The following KCNMA1 variants were observed in gnomAD, a reference collection of about 807,000 sequenced individuals.
The protein encoded by KCNMA1 is potassium calcium-activated channel subfamily M alpha 1.
In KCNMA1, 29 loss-of-function variants were observed where a neutral mutation model predicts 140.0. That is an observed-to-expected ratio of 0.21 (90% confidence interval 0.15 to 0.28). The LOEUF is 0.28. Ranked by LOEUF, KCNMA1 falls within the 10% of genes least tolerant of loss-of-function variation. The probability of loss-of-function intolerance (pLI) is 1.00; values close to 1 mark genes in which losing one functional copy is unlikely to be tolerated. For synonymous variants in KCNMA1, 612 were observed against 611.9 expected (o/e 1.00, Z 0.00); for missense variants, 880 against 1,602.2 (o/e 0.55, Z 7.70).
chr10:77,636,412 TCGAGC>T (rs2093734168), intron 1 of KCNMA1: 1 of 1,536,014 alleles, frequency 6.5e-7, no homozygotes, highest in Admixed American at 2.0e-5. Context: ...TCTAGCCACC[TCGAGC>T]GCCAGGGAAG....
intron 20 of KCNMA1, among the ~76,000 whole-genome samples, chr10:76,957,924 T>C (rs1452138892): frequency 6.6e-6 from 1 of 152,242 alleles, no homozygotes; most frequent in Non-Finnish European, 1.5e-5. Context: ...TATAAATTTC[T>C]TTACTATGGC....
At chr10:76,973,184 G>A (rs1048124062) in intron 19 of KCNMA1, 7 of 152,024 alleles carry the variant, frequency 4.6e-5, no homozygotes, top group African/African-American at 9.7e-5. Flanking sequence ...TTCATGCTGC[G>A]GAAGCCACAT....
intron 1 of KCNMA1, among the ~76,000 whole-genome samples, chr10:77,432,959 G>T (rs1441880445): frequency 6.6e-6 from 1 of 152,044 alleles, no homozygotes; most frequent in African/African-American, 2.4e-5. Context: ...AGATTAGGGA[G>T]CCTTGAACCT....
chr10:76,949,416 T>G, intron 21 of KCNMA1, 50 bp from the exon 22 acceptor site: 2 of 1,401,134 alleles, frequency 1.4e-6, no homozygotes, highest in Non-Finnish European at 2.0e-6. Context: ...TGCATAGGGC[T>G]GTTGTAAGGA....
At chr10:77,539,105 A>T (rs1241050094) in intron 1 of KCNMA1, among the ~76,000 whole-genome samples, 1 of 151,920 alleles carries the variant, frequency 6.6e-6, no homozygotes, top group Non-Finnish European at 1.5e-5. Flanking sequence ...GACTTACACC[A>T]TTCATAAACC....
At chr10:77,495,109 G>A (rs985762154) in intron 1 of KCNMA1, among the ~76,000 whole-genome samples, 1 of 152,126 alleles carries the variant, frequency 6.6e-6, no homozygotes, top group African/African-American at 2.4e-5. Flanking sequence ...ATTATCTGTT[G>A]GGGAGACACA....
intron 1 of KCNMA1, among the ~76,000 whole-genome samples, chr10:77,503,084 T>C (rs2044508646): frequency 6.6e-6 from 1 of 152,134 alleles, no homozygotes; most frequent in South Asian, 2.1e-4. Flanking sequence ...AGATCCTCTC[T>C]TCTAAAAGAA....
At chr10:76,995,606 G>A (rs1233657048) in intron 19 of KCNMA1, 1 of 470,954 alleles carries the variant, frequency 2.1e-6, no homozygotes, top group Admixed American at 2.3e-5. Flanking sequence ...GATGGAAGAT[G>A]AGGAGCTAAC....
chr10:77,306,484 G>C (rs966814187), intron 2 of KCNMA1, among the ~76,000 whole-genome samples: 1 of 152,202 alleles, frequency 6.6e-6, no homozygotes, highest in Admixed American at 6.5e-5. Context: ...GTTTGCTGCT[G>C]TTGCAGTTGA....
chr10:77,575,933 G>A (rs1221011999), intron 1 of KCNMA1, among the ~76,000 whole-genome samples: 3 of 152,220 alleles, frequency 2.0e-5, no homozygotes. Flanking sequence ...GCTCCCAGGT[G>A]AGGCTGATGC....
rs1448151158 is a variant in KCNMA1, at chr10:76,885,326, A to G, written c.*1940T>C. 2 of 974,652 alleles carry G rather than the reference A, an allele frequency of 2.1e-6. No homozygotes were observed. The highest frequency in any genetic ancestry group is 2.4e-6 in the Non-Finnish European group (2 of 820,928). 60.4% of individuals were successfully genotyped at this position (974,652 alleles called of 1,614,324 possible). On this transcript the variant is annotated 3_prime_UTR_variant, in exon 28 of 28. Coordinates refer to ENST00000286628, the MANE Select transcript of KCNMA1 (RefSeq NM_001161352.2). ...ATATAGAGGGACAAAAATAATTTGA[A>G]AAAATTCTTCCACTCATAGGGCTTG... is the stretch of plus-strand genomic sequence containing the variant.
chr10:77,203,508 G>A (rs1178135217), intron 3 of KCNMA1, among the ~76,000 whole-genome samples: 3 of 151,962 alleles, frequency 2.0e-5, no homozygotes, highest in African/African-American at 2.4e-5. Flanking sequence ...CTGTTGTGGC[G>A]CTCATCACTC....
At chr10:77,548,959 T>C (rs2062076628) in intron 1 of KCNMA1, among the ~76,000 whole-genome samples, 1 of 152,196 alleles carries the variant, frequency 6.6e-6, no homozygotes, top group Non-Finnish European at 1.5e-5. Context: ...CATAGATGAA[T>C]ACTTTGAAAA....
intron 22 of KCNMA1, among the ~76,000 whole-genome samples, chr10:76,945,748 G>A (rs1188834543): frequency 1.3e-5 from 2 of 151,826 alleles, no homozygotes; most frequent in Non-Finnish European, 2.9e-5. Context: ...CTAAGATAGA[G>A]GGGGAAGTGA....
intron 1 of KCNMA1, among the ~76,000 whole-genome samples, chr10:77,574,939 C>T (rs2073468709): frequency 6.6e-6 from 1 of 152,182 alleles, no homozygotes; most frequent in South Asian, 2.1e-4. Flanking sequence ...CAGGAGGCCC[C>T]AGGGCCTGAC....
At chr10:76,914,556 G>A (rs1006712904) in intron 24 of KCNMA1, 1 of 335,476 alleles carries the variant, frequency 3.0e-6, no homozygotes, top group African/African-American at 2.1e-5. Flanking sequence ...GACTCAGATT[G>A]TAGGAGCTGT....
intron 14 of KCNMA1, among the ~76,000 whole-genome samples, chr10:77,072,828 C>G (rs1334147586): frequency 6.6e-6 from 1 of 152,042 alleles, no homozygotes; most frequent in Non-Finnish European, 1.5e-5. Flanking sequence ...ACAGCGGAGG[C>G]TTTGTTGATA....
At chr10:77,390,143 T>A (rs1174772351) in intron 2 of KCNMA1, among the ~76,000 whole-genome samples, 2 of 152,180 alleles carry the variant, frequency 1.3e-5, no homozygotes, top group African/African-American at 2.4e-5. Context: ...GGGAACGAAC[T>A]ACTGAAAAAC....
chr10:77,372,283 C>G (rs774186640), intron 2 of KCNMA1, among the ~76,000 whole-genome samples: 1 of 152,164 alleles, frequency 6.6e-6, no homozygotes, highest in Non-Finnish European at 1.5e-5. Flanking sequence ...GTTTTGCCCA[C>G]GATTGTTCCC....
Sources: allele counts gnomAD v4.1 joint callset (sites outside exome capture counted in the v4.1 genomes callset), GRCh38; gene constraint gnomAD v4.1.1; transcripts MANE v1.5; gene names NCBI Gene and HGNC (gene_info 2026-07-23, HGNC 2026-07-21).